The following EFNA5 variants were observed in gnomAD, a reference collection of about 807,000 sequenced individuals.
EFNA5 encodes the protein ephrin-A5.
A neutral mutation model predicts 22.9 loss-of-function variants in EFNA5; 5 were observed. That is an observed-to-expected ratio of 0.22 (90% CI 0.11 to 0.46). EFNA5 has a LOEUF of 0.46. EFNA5 is among the 20% of genes least tolerant of loss of function. The probability of loss-of-function intolerance (pLI) is 0.99; values close to 1 mark genes in which losing one functional copy is unlikely to be tolerated. For synonymous variants in EFNA5, 113 were observed against 112.2 expected, an observed-to-expected ratio of 1.01 and a Z score of -0.04; for missense variants, 237 against 293.3, an observed-to-expected ratio of 0.81 and a Z score of 1.40.
chr5:107,446,787 A>T (rs1192963414), intron 1 of EFNA5, among the ~76,000 whole-genome samples: 1 of 152,096 alleles, frequency 6.6e-6, no homozygotes, highest in Non-Finnish European at 1.5e-5. Context: ...AAACTTCAGA[A>T]AATGGGGAAG....
chr5:107,577,235 C>A (rs1475589639), intron 1 of EFNA5, among the ~76,000 whole-genome samples: 1 of 152,006 alleles, frequency 6.6e-6, no homozygotes, highest in East Asian at 1.9e-4. Context: ...TGAAACAAGT[C>A]AATTGTGAAC....
chr5:107,524,387 G>A (rs1344729761), intron 1 of EFNA5, among the ~76,000 whole-genome samples: 1 of 152,190 alleles, frequency 6.6e-6, no homozygotes, highest in Non-Finnish European at 1.5e-5. Context: ...CAGGTTGAGT[G>A]AGTCACAGCT....
At chr5:107,517,355 T>C (rs1361183451) in intron 1 of EFNA5, among the ~76,000 whole-genome samples, 1 of 152,166 alleles carries the variant, frequency 6.6e-6, no homozygotes, top group African/African-American at 2.4e-5. Context: ...AGCACAGTGA[T>C]AAAAGTACTG....
chr5:107,486,055 G>A (rs747705478), intron 1 of EFNA5, among the ~76,000 whole-genome samples: 2 of 152,188 alleles, frequency 1.3e-5, no homozygotes, highest in African/African-American at 4.8e-5. Context: ...AGGCTGAGAC[G>A]AGAAATGAGT....
rs1369168632 is a variant in EFNA5 at position 107,591,924 on chromosome 5, ATAATATATAAT to A, written c.125+78554_125+78564del. Among the ~76,000 whole-genome samples the A allele has an allele frequency of 0.01, 98 of 9,364 alleles. 4 individuals are homozygous for A. In the South Asian group the frequency reaches 0.18, roughly 17 times the overall value. 6.1% of individuals were successfully genotyped at this position (9,364 alleles called of 152,430 possible). A position where few individuals can be genotyped will look rare whatever the true frequency, so the allele number is the denominator to read the frequency against. ...AATATATAATATAAAAAATATATAT[ATAATATATAAT>A]ATATATATTATATATAATATATAAT... On this transcript the variant is annotated intron_variant, in intron 1 of 4. Coordinates refer to ENST00000333274, the MANE Select transcript of EFNA5 (RefSeq NM_001962.3).
At chr5:107,401,003 A>C in intron 2 of EFNA5, among the ~76,000 whole-genome samples, 1 of 152,202 alleles carries the variant, frequency 6.6e-6, no homozygotes, top group Non-Finnish European at 1.5e-5. Context: ...TACAATTATA[A>C]CTTTAACATG....
intron 1 of EFNA5, among the ~76,000 whole-genome samples, chr5:107,484,034 T>C (rs1183162313): frequency 6.6e-6 from 1 of 152,198 alleles, no homozygotes; most frequent in East Asian, 1.9e-4. Flanking sequence ...TGGTGCAAAC[T>C]TTCATTTTGC....
Position 107,505,938 on chromosome 5 carries a change from A to C in EFNA5, c.126-78429T>G, listed in dbSNP as rs1030079801. Among the ~76,000 whole-genome samples the C allele has an allele frequency of 2.6e-5, 4 of 152,186 alleles. No individual in the cohort carries two copies. In the East Asian group the frequency reaches 5.8e-4, roughly 22 times the overall value. ...GAAGCCTAACTGAAGTAGCTTGCCC[A>C]AGGTGATAGAGCTAGTGAGCGACAG... On this transcript the variant is annotated intron_variant, in intron 1 of 4. Transcript: ENST00000333274.
At chr5:107,620,934 C>T (rs904012960) in intron 1 of EFNA5, among the ~76,000 whole-genome samples, 1 of 152,034 alleles carries the variant, frequency 6.6e-6, no homozygotes, top group Non-Finnish European at 1.5e-5. Flanking sequence ...TAAGAAAAAT[C>T]CATATTTGGA....
intron 1 of EFNA5, among the ~76,000 whole-genome samples, chr5:107,600,104 C>T (rs1321159806): frequency 6.6e-6 from 1 of 152,190 alleles, no homozygotes; most frequent in Non-Finnish European, 1.5e-5. Context: ...TTGAATATGA[C>T]TGATCAGTGC....
chr5:107,420,970 T>C (rs1280077757), intron 2 of EFNA5, among the ~76,000 whole-genome samples: 1 of 152,212 alleles, frequency 6.6e-6, no homozygotes, highest in East Asian at 1.9e-4. Context: ...AACACATCGA[T>C]AGTTAAATGA....
At chr5:107,385,494 C>T (rs252814) in intron 4 of EFNA5, among the ~76,000 whole-genome samples, 126,092 of 152,180 alleles carry the variant, frequency 0.83, 52,739 homozygotes, top group African/African-American at 0.89. Context: ...TCATTCTTCT[C>T]GTGGCTTCTT....
chr5:107,522,945 T>C (rs893868824), intron 1 of EFNA5, among the ~76,000 whole-genome samples: 9 of 152,210 alleles, frequency 5.9e-5, no homozygotes, highest in African/African-American at 2.2e-4. Flanking sequence ...AATAGATGGG[T>C]ATTTCCAACA....
intron 1 of EFNA5, among the ~76,000 whole-genome samples, chr5:107,575,160 T>A (rs904279783): frequency 1.3e-5 from 2 of 152,202 alleles, no homozygotes; most frequent in Non-Finnish European, 2.9e-5. Flanking sequence ...TAACAAGCAG[T>A]TAATCAAAGA....
intron 1 of EFNA5, among the ~76,000 whole-genome samples, chr5:107,482,245 G>T (rs933749012): frequency 6.6e-6 from 1 of 151,146 alleles, no homozygotes; most frequent in African/African-American, 2.4e-5. Flanking sequence ...GACAGAGGTT[G>T]CAGTGAGCCG....
chr5:107,656,789 C>G (rs1750834937), intron 1 of EFNA5, among the ~76,000 whole-genome samples: 1 of 152,034 alleles, frequency 6.6e-6, no homozygotes, highest in South Asian at 2.1e-4. Context: ...GAAACTGAGG[C>G]TTAGATTCAC....
intron 2 of EFNA5, among the ~76,000 whole-genome samples, chr5:107,404,039 T>C (rs1213752813): frequency 6.6e-6 from 1 of 152,242 alleles, no homozygotes; most frequent in African/African-American, 2.4e-5. Context: ...TGGTGGATTA[T>C]AGGGATACTA....
intron 1 of EFNA5, among the ~76,000 whole-genome samples, chr5:107,641,916 C>T (rs1358938045): frequency 1.3e-5 from 2 of 152,070 alleles, no homozygotes; most frequent in Non-Finnish European, 2.9e-5. Flanking sequence ...CCATATCAAG[C>T]CCATGCTCAA....
chr5:107,544,653 G>C (rs1748112047), intron 1 of EFNA5, among the ~76,000 whole-genome samples: 1 of 152,174 alleles, frequency 6.6e-6, no homozygotes, highest in Non-Finnish European at 1.5e-5. Context: ...TGGTCCTGCA[G>C]AATTAACCAC....
Sources: allele counts gnomAD v4.1 joint callset (sites outside exome capture counted in the v4.1 genomes callset), GRCh38; gene constraint gnomAD v4.1.1; transcripts MANE v1.5; gene names NCBI Gene and HGNC (gene_info 2026-07-23, HGNC 2026-07-21).